DAPK1: variants seen among roughly 807,000 people sequenced by gnomAD.
DAPK1 encodes the protein death-associated protein kinase 1.
DAPK1 carries 56 observed loss-of-function variants against 144.9 expected under a neutral mutation model. The ratio of observed to expected loss-of-function variants is 0.39; its 90% confidence interval spans 0.31 to 0.48. The LOEUF (loss-of-function observed/expected upper bound fraction) is 0.48, where lower values mean the gene tolerates loss of function less well. Among genes scored for constraint, DAPK1 ranks in the 20% least tolerant of loss-of-function variants. The probability of loss-of-function intolerance (pLI) is 0.95; values close to 1 mark genes in which losing one functional copy is unlikely to be tolerated. For missense variants in DAPK1, 1,454 were observed against 1,875.4 expected (o/e 0.78, Z 4.15); for synonymous variants, 690 against 749.0 (o/e 0.92, Z 1.29).
chr9:87,629,622 G>A (rs1006420160), intron 3 of DAPK1, among the ~76,000 whole-genome samples: 56 of 152,116 alleles, frequency 3.7e-4, no homozygotes, highest in African/African-American at 1.2e-3. Flanking sequence ...AAGCAACCCC[G>A]CCTTGGCCTC....
intron 2 of DAPK1, among the ~76,000 whole-genome samples, chr9:87,594,105 GA>G (rs1828235149): frequency 6.6e-6 from 1 of 152,192 alleles, no homozygotes; most frequent in African/African-American, 2.4e-5. Flanking sequence ...ACTGGACTCA[GA>G]GTTCAGCTAT....
At chr9:87,639,539 C>T (rs981952435) in intron 5 of DAPK1, 56 bp downstream of exon 5, 1 of 1,609,372 alleles carries the variant, frequency 6.2e-7, no homozygotes, top group African/African-American at 1.3e-5. Context: ...TTCTGGCAAA[C>T]CTCCCCTGCT....
intron 3 of DAPK1, among the ~76,000 whole-genome samples, chr9:87,618,660 C>A (rs1829183069): frequency 6.6e-6 from 1 of 152,148 alleles, no homozygotes; most frequent in Admixed American, 6.5e-5. Flanking sequence ...ACCCAATAGA[C>A]CACCCACCCT....
chr9:87,622,575 T>C (rs1265882955), intron 3 of DAPK1, among the ~76,000 whole-genome samples: 1 of 152,188 alleles, frequency 6.6e-6, no homozygotes, highest in African/African-American at 2.4e-5. Flanking sequence ...TGGCTTGTTT[T>C]ATAAATGCCT....
At chr9:87,524,745 C>G (rs185327896) in intron 2 of DAPK1, among the ~76,000 whole-genome samples, 2 of 152,236 alleles carry the variant, frequency 1.3e-5, no homozygotes, top group Non-Finnish European at 2.9e-5. Context: ...TTGCAGTAAA[C>G]CGATGAGATT....
chr9:87,626,829 A>G (rs575490229), intron 3 of DAPK1, among the ~76,000 whole-genome samples: 66 of 152,306 alleles, frequency 4.3e-4, no homozygotes, highest in African/African-American at 1.5e-3. Flanking sequence ...ATAGACTCTG[A>G]TGTCATTTAT....
chr9:87,706,228 A>C lies in DAPK1; in HGVS notation c.3157A>C (p.Thr1053Pro), dbSNP rs1587859223. The change falls in exon 26 of 26, where the codon ACC becomes CCC. Residue 1053 changes from threonine to proline, a missense_variant. By Grantham distance (38) the Thr-to-Pro change is conservative. Coordinates refer to ENST00000408954, the MANE Select transcript of DAPK1 (RefSeq NM_004938.4). This position sits in a 1 kb window ranked among gnomAD's most constrained non-coding sequence, Gnocchi z 9.0. ...CCTGGGGAAGTTGCTGTCCGTGGAGACCCCACGGGCGCTGCACCACTACCG... is the reference window on the plus strand; with the variant it reads ...CCTGGGGAAGTTGCTGTCCGTGGAGCCCCCACGGGCGCTGCACCACTACCG... ...NVLGKLLSVE[T>P]PRALHHYRGR... The C allele has an allele frequency of 6.2e-7, 1 of 1,612,098 alleles. No individual in the cohort carries two copies. Among genetic ancestry groups the C allele is most frequent in the South Asian group, 1.1e-5 (1 of 91,016 alleles).
chr9:87,522,051 A>G (rs1006220030), intron 2 of DAPK1, among the ~76,000 whole-genome samples: 1 of 152,230 alleles, frequency 6.6e-6, no homozygotes, highest in Non-Finnish European at 1.5e-5. Context: ...GATGCTCACC[A>G]GGTGCCAGCG....
At chr9:87,678,809 C>T (rs1824500074) in intron 19 of DAPK1, among the ~76,000 whole-genome samples, 1 of 152,178 alleles carries the variant, frequency 6.6e-6, no homozygotes. Context: ...GGAATATCCC[C>T]TCAACATTGT....
chr9:87,572,202 A>G (rs928770302), intron 2 of DAPK1, among the ~76,000 whole-genome samples: 1 of 152,196 alleles, frequency 6.6e-6, no homozygotes, highest in Non-Finnish European at 1.5e-5. Flanking sequence ...AACATATCAC[A>G]CTGCCCCATG....
intron 2 of DAPK1, among the ~76,000 whole-genome samples, chr9:87,571,528 C>CACACACA (rs55676810): frequency 1.5e-5 from 2 of 135,706 alleles, no homozygotes; most frequent in African/African-American, 3.1e-5. Flanking sequence ...CACACACACA[C>CACACACA]CAGAAGCGAA....
chr9:87,694,475 TGA>T (rs756169465), intron 21 of DAPK1, among the ~76,000 whole-genome samples: 3 of 152,058 alleles, frequency 2.0e-5, no homozygotes, highest in Non-Finnish European at 4.4e-5. Flanking sequence ...GCAAAATGCT[TGA>T]GTCAGGGAGG....
At chr9:87,522,560 T>C (rs7849249) in intron 2 of DAPK1, among the ~76,000 whole-genome samples, 2 of 152,052 alleles carry the variant, frequency 1.3e-5, no homozygotes, top group Non-Finnish European at 2.9e-5. Flanking sequence ...GTCTGTGAAC[T>C]TCTAGGATTC....
At chr9:87,635,267 C>G (rs76077365) in intron 3 of DAPK1, among the ~76,000 whole-genome samples, 1,551 of 152,226 alleles carry the variant, frequency 0.01, 28 homozygotes, top group African/African-American at 0.035. Context: ...GGAAAGGACT[C>G]AGGGCCAGCA....
intron 2 of DAPK1, chr9:87,525,499 C>A (rs1825472981): frequency 7.5e-7 from 1 of 1,332,504 alleles, no homozygotes; most frequent in Non-Finnish European, 1.1e-6. Flanking sequence ...AAAGGATTAT[C>A]CAAGGCATAT....
chr9:87,638,287 T>A (rs966522503), intron 4 of DAPK1, among the ~76,000 whole-genome samples: 2 of 152,222 alleles, frequency 1.3e-5, no homozygotes, highest in African/African-American at 2.4e-5. Flanking sequence ...AGAGGCTTAA[T>A]GATAATTGAT....
chr9:87,646,648 G>A (rs1830276431), intron 13 of DAPK1, 89 bp downstream of exon 13: 1 of 951,364 alleles, frequency 1.1e-6, no homozygotes, highest in Non-Finnish European at 1.6e-6. Context: ...AAAAATTTAT[G>A]TCCTAACTTG....
chr9:87,697,295 C>A, intron 22 of DAPK1, 91 bp downstream of exon 22: 1 of 696,366 alleles, frequency 1.4e-6, no homozygotes, highest in South Asian at 1.6e-5. Flanking sequence ...GCTCCTGCCA[C>A]TGCTGCTGCT....
chr9:87,629,878 G>C (rs960270146), intron 3 of DAPK1, among the ~76,000 whole-genome samples: 9 of 152,140 alleles, frequency 5.9e-5, no homozygotes, highest in African/African-American at 2.2e-4. Flanking sequence ...GATGCTGTGT[G>C]ACTTCTGAGG....
Sources: gnomAD v4.1 joint callset for allele counts (sites outside exome capture counted in the v4.1 genomes callset) on GRCh38, gnomAD v4.1.1 for gene constraint, Gnocchi (gnomAD v3.1) non-coding constraint, MANE v1.5 for transcripts, NCBI Gene and HGNC (gene_info 2026-07-23, HGNC 2026-07-21) for gene names.